Variants in SH2D3C observed in about 807,000 individuals in gnomAD.
SH2D3C encodes SH2 domain-containing protein 3C.
A neutral mutation model predicts 75.2 loss-of-function variants in SH2D3C; 25 were observed. The observed-to-expected ratio is 0.33, with a 90% CI of 0.24 to 0.46. The LOEUF is 0.46. SH2D3C is among the 20% of genes least tolerant of loss of function. SH2D3C has a pLI of 1.00. For missense variants in SH2D3C, 933 were observed against 1,165.3 expected (o/e 0.80, Z 2.90); for synonymous variants, 450 against 473.7 (o/e 0.95, Z 0.65).
intron 7 of SH2D3C, among the ~76,000 whole-genome samples, chr9:127,744,215 C>T (rs1404981213): frequency 7.9e-5 from 12 of 151,620 alleles, no homozygotes; most frequent in Non-Finnish European, 1.2e-4. Flanking sequence ...GGATTACAGG[C>T]GCCCACCACG....
chr9:127,749,779 C>A lies in SH2D3C; in HGVS notation c.685-114G>T. 4.5e-6 allele frequency: 3 copies of A among 668,874 alleles called. No homozygotes were observed. The South Asian group carries it at 5.2e-5, about 12-fold the overall frequency. 41.4% of individuals were successfully genotyped at this position (668,874 alleles called of 1,614,324 possible). ...GGGCACAGCAAGACCAGACCCAGGG[C>A]ATAGAGGACCCAATGAACAGAGACA... On this transcript the variant is annotated intron_variant, in intron 4 of 11. Transcript: ENST00000314830. The surrounding 1 kb of genome is among the most constrained non-coding windows in gnomAD (Gnocchi z 5.9).
rs527322992 is a variant in SH2D3C, at chr9:127,738,928, T to G, written c.2408-7A>C. On this transcript the variant is annotated splice_region_variant and splice_polypyrimidine_tract_variant and intron_variant, in intron 11 of 11. Transcript: ENST00000314830. This position sits in a 1 kb window ranked among gnomAD's most constrained non-coding sequence, Gnocchi z 5.0. ...TCCGGCCGGGCCTGGAACCCTGCAGTGTTGGGGCATAGGGTCAGGGCAGAG... is the reference window on the plus strand; with the variant it reads ...TCCGGCCGGGCCTGGAACCCTGCAGGGTTGGGGCATAGGGTCAGGGCAGAG... 1.3e-6 allele frequency: 2 copies of G among 1,563,706 alleles called. No individual in the cohort carries two copies. The highest frequency in any genetic ancestry group is 4.7e-5 in the East Asian group (2 of 42,866).
chr9:127,741,685 A>G, intron 9 of SH2D3C, 103 bp downstream of exon 9: 1 of 1,398,514 alleles, frequency 7.2e-7, no homozygotes. Flanking sequence ...TTCTGCCTAG[A>G]AATTCCAAAG....
intron 6 of SH2D3C, among the ~76,000 whole-genome samples, chr9:127,745,391 G>A (rs542378177): frequency 6.6e-6 from 1 of 150,734 alleles, no homozygotes; most frequent in Non-Finnish European, 1.5e-5. Context: ...GGGAAGCTGA[G>A]TACCTGCTGG....
chr9:127,742,045 G>A, intron 8 of SH2D3C, 86 bp from the exon 9 acceptor site: 1 of 1,330,074 alleles, frequency 7.5e-7, no homozygotes, highest in East Asian at 2.5e-5. Flanking sequence ...GGTTGGGCCG[G>A]GAGAGGCGGA....
chr9:127,749,980 C>G lies in SH2D3C; in HGVS notation c.685-315G>C, dbSNP rs1238124335. ...AATGGCTGTGACCTGAGACCCAGGTCTCAGACCCATCCCTTCTCAGGGTTC... is the reference window on the plus strand; with the variant it reads ...AATGGCTGTGACCTGAGACCCAGGTGTCAGACCCATCCCTTCTCAGGGTTC... On this transcript the variant is annotated intron_variant, in intron 4 of 11. Transcript: ENST00000314830. This position sits in a 1 kb window ranked among gnomAD's most constrained non-coding sequence, Gnocchi z 5.9. Among the ~76,000 whole-genome samples, 1 of 152,050 alleles carries G rather than the reference C, an allele frequency of 6.6e-6. No individual in the cohort carries two copies. The highest frequency in any genetic ancestry group is 1.5e-5 in the Non-Finnish European group (1 of 68,012).
In SH2D3C at chr9:127,751,457, T is replaced by C. The variant is rs1845199674; in HGVS notation, c.556-157A>G. Among the ~76,000 whole-genome samples, 2 of 152,038 alleles carry C rather than the reference T, an allele frequency of 1.3e-5. No individual in the cohort carries two copies. The highest frequency in any genetic ancestry group is 1.9e-4 in the East Asian group (1 of 5,168). ...CCTTTCCCATGGGTCCCAGAAAGAGTAAAGAAATCTCAATTCCTTCCACAA... is the reference window on the plus strand; with the variant it reads ...CCTTTCCCATGGGTCCCAGAAAGAGCAAAGAAATCTCAATTCCTTCCACAA... On this transcript the variant is annotated intron_variant, in intron 3 of 11. Transcript: ENST00000314830. The surrounding 1 kb of genome is among the most constrained non-coding windows in gnomAD (Gnocchi z 4.1).
chr9:127,764,623 C>G (rs1230013567), intron 2 of SH2D3C, among the ~76,000 whole-genome samples: 1 of 152,172 alleles, frequency 6.6e-6, no homozygotes, highest in African/African-American at 2.4e-5. Context: ...ACCTCAGGGT[C>G]TTTGCACTTT....
intron 6 of SH2D3C, 82 bp from the exon 7 acceptor site, chr9:127,745,181 G>T: frequency 8.4e-7 from 1 of 1,197,318 alleles, no homozygotes; most frequent in Non-Finnish European, 1.1e-6. Flanking sequence ...CAAAGAACAG[G>T]CTCCCTCACT....
In SH2D3C at chr9:127,749,340, C is replaced by T; in HGVS notation, c.1010G>A (p.Gly337Glu). 1 of 1,613,430 alleles carries T rather than the reference C, an allele frequency of 6.2e-7. No individual in the cohort carries two copies. ...GACGGGGCTAGCAGGCTTGCTACTC[C>T]CCTGTCCCAGGCCATAGCTGGCCTC... ...YLEASYGLGQ[G>E]SSKPASPVSP... The change falls in exon 5 of 12, where the codon GGG (glycine) becomes GAG (glutamate). Residue 337 changes from glycine (G) to glutamate (E), a missense_variant. By Grantham distance (98) the Gly-to-Glu change is moderately conservative. Coordinates refer to ENST00000314830, the MANE Select transcript of SH2D3C (RefSeq NM_170600.3). This position sits in a 1 kb window ranked among gnomAD's most constrained non-coding sequence, Gnocchi z 5.9.
rs984765763 is a variant in SH2D3C, at chr9:127,754,214, G to A, written c.556-2914C>T. 2.6e-5 allele frequency among the ~76,000 whole-genome samples: 4 copies of A among 152,178 alleles called. No homozygotes were observed. The highest frequency in any genetic ancestry group is 4.4e-5 in the Non-Finnish European group (3 of 67,998). On this transcript the variant is annotated intron_variant, in intron 3 of 11. Transcript: ENST00000314830. The surrounding 1 kb of genome is among the most constrained non-coding windows in gnomAD (Gnocchi z 4.4). The stretch of plus-strand genomic sequence containing the variant: ...CCGGCCTGCGCGCGCCTGATTGGCC[G>A]GTGCGGGGATGCTGCGCTCCGCCGC...
chr9:127,758,373 T>C (rs2131783154), intron 3 of SH2D3C, among the ~76,000 whole-genome samples: 1 of 146,642 alleles, frequency 6.8e-6, no homozygotes, highest in East Asian at 1.9e-4. Context: ...TATTTTACAA[T>C]GTTAAAAAAA....
chr9:127,759,093 A>G (rs1190126470), intron 3 of SH2D3C, among the ~76,000 whole-genome samples: 1 of 152,272 alleles, frequency 6.6e-6, no homozygotes, highest in African/African-American at 2.4e-5. Flanking sequence ...CATTTCACAC[A>G]GTCAAACACA....
At position 127,749,083 on chromosome 9, in the gene SH2D3C, C is replaced by T; in HGVS notation, c.1139+128G>A. 1 of 753,928 alleles carries T rather than the reference C, an allele frequency of 1.3e-6. No individual in the cohort carries two copies. Among genetic ancestry groups the T allele is most frequent in the East Asian group, 2.6e-5 (1 of 38,982 alleles). 46.7% of individuals were successfully genotyped at this position (753,928 alleles called of 1,614,324 possible). On this transcript the variant is annotated intron_variant, in intron 5 of 11. Coordinates refer to ENST00000314830, the MANE Select transcript of SH2D3C (RefSeq NM_170600.3). The surrounding 1 kb of genome is among the most constrained non-coding windows in gnomAD (Gnocchi z 5.9). ...ACAGAGTATGGCCCAACCTTCCTCCCATTCCTCCCTGCACACAGAGGCTCC... is the reference window on the plus strand; with the variant it reads ...ACAGAGTATGGCCCAACCTTCCTCCTATTCCTCCCTGCACACAGAGGCTCC...
Position 127,751,356 on chromosome 9 carries a change from C to T in SH2D3C, c.556-56G>A. 6.4e-7 allele frequency: 1 copy of T among 1,565,554 alleles called. No homozygotes were observed. The highest frequency in any genetic ancestry group is 8.8e-7 in the Non-Finnish European group (1 of 1,141,996). On this transcript the variant is annotated intron_variant, in intron 3 of 11. Coordinates refer to ENST00000314830, the MANE Select transcript of SH2D3C (RefSeq NM_170600.3). The surrounding 1 kb of genome is among the most constrained non-coding windows in gnomAD (Gnocchi z 4.1). ...AACTTAAAGTCTCCTTCTTCTTTCC[C>T]TCCCAACTTCATTCTACCATGGATG...
chr9:127,764,401 C>G (rs912633422), intron 2 of SH2D3C, among the ~76,000 whole-genome samples: 3 of 152,230 alleles, frequency 2.0e-5, no homozygotes, highest in African/African-American at 7.2e-5. Flanking sequence ...CTGCCTCCAT[C>G]TGTGTCCCTG....
At chr9:127,750,441 C>T (rs1273613454) in intron 4 of SH2D3C, among the ~76,000 whole-genome samples, 1 of 152,146 alleles carries the variant, frequency 6.6e-6, no homozygotes, top group Non-Finnish European at 1.5e-5. Context: ...AGGCATGAGC[C>T]ATCGCACCTG....
At chr9:127,778,051 A>G (rs867526355) in intron 1 of SH2D3C, among the ~76,000 whole-genome samples, 1 of 152,034 alleles carries the variant, frequency 6.6e-6, no homozygotes, top group Non-Finnish European at 1.5e-5. Context: ...GCAGTGGTGC[A>G]ATCTCTGCTC....
intron 6 of SH2D3C, 118 bp from the exon 7 acceptor site, chr9:127,745,217 T>C: frequency 1.3e-6 from 1 of 745,330 alleles, no homozygotes; most frequent in South Asian, 3.9e-5. Context: ...AGAGGTGATG[T>C]CCCCACCTCC....
Sources: gnomAD v4.1 joint callset for allele counts (sites outside exome capture counted in the v4.1 genomes callset) on GRCh38, gnomAD v4.1.1 for gene constraint, Gnocchi (gnomAD v3.1) non-coding constraint, MANE v1.5 for transcripts, NCBI Gene and HGNC (gene_info 2026-07-23, HGNC 2026-07-21) for gene names.